The following TBC1D12 variants were observed in gnomAD, a reference collection of about 807,000 sequenced individuals.
The protein encoded by TBC1D12 is TBC1 domain family member 12.
Under a neutral mutation model 86.7 loss-of-function variants are expected in TBC1D12, and 56 were observed. The observed-to-expected ratio is 0.65, with a 90% CI of 0.52 to 0.81. TBC1D12 has a LOEUF of 0.81. Among genes scored for constraint, TBC1D12 ranks in the 30% least tolerant of loss-of-function variants. The pLI is 0.00. For missense variants in TBC1D12, 1,023 were observed against 1,038.8 expected (o/e 0.98, Z 0.21); for synonymous variants, 421 against 411.7 (o/e 1.02, Z -0.27).
At chr10:94,479,428 C>T (rs1386488891) in intron 3 of TBC1D12, among the ~76,000 whole-genome samples, 1 of 151,920 alleles carries the variant, frequency 6.6e-6, no homozygotes, top group Non-Finnish European at 1.5e-5. Flanking sequence ...TTGCTTTTAT[C>T]TTCACAATTC....
intron 3 of TBC1D12, among the ~76,000 whole-genome samples, chr10:94,487,425 AT>A (rs372982329): frequency 1.7e-4 from 24 of 142,372 alleles, no homozygotes; most frequent in Admixed American, 4.9e-4. Flanking sequence ...AGTGAAAGTG[AT>A]TTTTTTTTTG....
intron 11 of TBC1D12, 134 bp downstream of exon 11, chr10:94,522,587 C>A: frequency 2.2e-6 from 1 of 447,772 alleles, no homozygotes; most frequent in Non-Finnish European, 3.9e-6. Flanking sequence ...AATTTAGAAA[C>A]TTCCAAATTT....
At chr10:94,426,562 T>C (rs1340765225) in intron 1 of TBC1D12, among the ~76,000 whole-genome samples, 1 of 152,090 alleles carries the variant, frequency 6.6e-6, no homozygotes, top group Non-Finnish European at 1.5e-5. Flanking sequence ...TTACATATTG[T>C]CAGATTTTAT....
intron 11 of TBC1D12, among the ~76,000 whole-genome samples, chr10:94,527,980 G>A (rs753350776): frequency 1.3e-5 from 2 of 150,948 alleles, no homozygotes; most frequent in African/African-American, 2.4e-5. Context: ...CTATGGCTTT[G>A]TAGTGTATTT....
intron 3 of TBC1D12, among the ~76,000 whole-genome samples, chr10:94,480,052 C>T (rs1589646562): frequency 6.6e-6 from 1 of 152,200 alleles, no homozygotes; most frequent in Admixed American, 6.5e-5. Context: ...ATCGCCTGAC[C>T]TCTACATACC....
chr10:94,436,881 TA>T (rs1047514536), intron 1 of TBC1D12, among the ~76,000 whole-genome samples: 11 of 152,106 alleles, frequency 7.2e-5, no homozygotes, highest in African/African-American at 2.7e-4. Context: ...CTAATTTTTG[TA>T]TTTTTAGTAG....
rs373908139 is a variant in TBC1D12 at position 94,495,731 on chromosome 10, T to G, written c.1295-1324T>G. On this transcript the variant is annotated intron_variant, in intron 4 of 12. Transcript: ENST00000225235. ...GAAGCTTCTCTTTCATCATTTTTTTTTTGTTGTTGGTAAAGCAGTGGAACA... is the reference window on the plus strand; with the variant it reads ...GAAGCTTCTCTTTCATCATTTTTTTGTTGTTGTTGGTAAAGCAGTGGAACA... Among the ~76,000 whole-genome samples the G allele has an allele frequency of 4.3e-4, 66 of 152,254 alleles. 1 individual carries two copies. The highest frequency in any genetic ancestry group is 1.4e-3 in the African/African-American group (59 of 41,550).
chr10:94,525,463 A>T (rs369146803), intron 11 of TBC1D12, among the ~76,000 whole-genome samples: 3 of 152,030 alleles, frequency 2.0e-5, no homozygotes, highest in East Asian at 3.9e-4. Flanking sequence ...AATACGCCGG[A>T]TGTGGTGGCC....
At chr10:94,518,735 G>A (rs1262700537) in intron 9 of TBC1D12, among the ~76,000 whole-genome samples, 1 of 152,162 alleles carries the variant, frequency 6.6e-6, no homozygotes, top group African/African-American at 2.4e-5. Flanking sequence ...GCACAAGAGT[G>A]ATATATAATA....
intron 1 of TBC1D12, among the ~76,000 whole-genome samples, chr10:94,424,324 T>C (rs2055119580): frequency 6.6e-6 from 1 of 152,268 alleles, no homozygotes; most frequent in Admixed American, 6.5e-5. Context: ...CTTCCATAAA[T>C]AGTAGGGAGT....
intron 2 of TBC1D12, among the ~76,000 whole-genome samples, chr10:94,468,600 T>A (rs781057867): frequency 6.6e-6 from 1 of 152,168 alleles, no homozygotes; most frequent in Non-Finnish European, 1.5e-5. Context: ...GCTTTTTTTC[T>A]GGCTGCTTTT....
intron 2 of TBC1D12, among the ~76,000 whole-genome samples, chr10:94,462,665 CT>C (rs1387788568): frequency 6.6e-6 from 1 of 151,230 alleles, no homozygotes; most frequent in East Asian, 2.0e-4. Flanking sequence ...TATATGTCAT[CT>C]ATATTGTTGG....
intron 5 of TBC1D12, among the ~76,000 whole-genome samples, chr10:94,498,129 A>G (rs1341312004): frequency 6.6e-6 from 1 of 151,982 alleles, no homozygotes; most frequent in Admixed American, 6.6e-5. Flanking sequence ...TAGTTACTGT[A>G]TTTTCTTAAT....
intron 3 of TBC1D12, 115 bp downstream of exon 3, chr10:94,474,898 A>C: frequency 1.1e-6 from 1 of 949,822 alleles, no homozygotes. Context: ...TAATTTTTAC[A>C]AAATTTAATC....
Position 94,427,652 on chromosome 10 carries a change from C to T in TBC1D12, c.972-14244C>T, listed in dbSNP as rs985518856. ...TTTGAGACTAGCCTGGCCAACATGG[C>T]GAAACCCTGTCTCCAATAAAAATAC... is the stretch of plus-strand genomic sequence containing the variant. On this transcript the variant is annotated intron_variant, in intron 1 of 12. Transcript: ENST00000225235. Among the ~76,000 whole-genome samples the T allele has an allele frequency of 4.0e-5, 6 of 151,780 alleles. No homozygotes were observed. The East Asian group carries it at 5.8e-4, about 15-fold the overall frequency.
Position 94,511,630 on chromosome 10 carries a change from A to T in TBC1D12, c.1737A>T (p.Thr579=), listed in dbSNP as rs549963786. ...TGCATAGTATTTTAGGGGCATACAC[A>T]TGCTACAGGCCTGATGTTGGTTATG... is the stretch of plus-strand genomic sequence containing the variant. ...DVLHSILGAY[T]CYRPDVGYVQ... The change falls in exon 9 of 13, where the codon ACA becomes ACT. Residue 579 remains threonine (T), a synonymous_variant. Transcript: ENST00000225235. 286 of 1,613,038 alleles carry T rather than the reference A, an allele frequency of 1.8e-4. 3 individuals are homozygous for T. In the South Asian group the frequency reaches 2.9e-3, roughly 16 times the overall value.
chr10:94,438,595 TC>T (rs1445373750), intron 1 of TBC1D12, among the ~76,000 whole-genome samples: 2 of 152,026 alleles, frequency 1.3e-5, no homozygotes. Flanking sequence ...TGGGCTGCTA[TC>T]CCCACTGCCA....
chr10:94,406,237 A>G (rs978953081), intron 1 of TBC1D12, among the ~76,000 whole-genome samples: 1 of 152,228 alleles, frequency 6.6e-6, no homozygotes, highest in Non-Finnish European at 1.5e-5. Context: ...TTTTACTTAT[A>G]GACTAATAGA....
intron 11 of TBC1D12, among the ~76,000 whole-genome samples, chr10:94,529,383 C>G (rs1314768140): frequency 6.6e-6 from 1 of 152,114 alleles, no homozygotes; most frequent in Non-Finnish European, 1.5e-5. Context: ...CTTTGGGAGT[C>G]CGAGGCAGGC....
Sources: allele counts gnomAD v4.1 joint callset (sites outside exome capture counted in the v4.1 genomes callset), GRCh38; gene constraint gnomAD v4.1.1; transcripts MANE v1.5; gene names NCBI Gene and HGNC (gene_info 2026-07-23, HGNC 2026-07-21).